Variants in MAP3K7 observed in about 807,000 individuals in gnomAD.
MAP3K7 encodes the protein TGF-beta activated kinase 1.
Under a neutral mutation model 84.8 loss-of-function variants are expected in MAP3K7, and 21 were observed. That is an observed-to-expected ratio of 0.25 (90% CI 0.18 to 0.36). The LOEUF is 0.36. MAP3K7 is among the 10% of genes least tolerant of loss of function. MAP3K7 has a pLI of 1.00. For synonymous variants in MAP3K7, 241 were observed against 247.7 expected (o/e 0.97, Z 0.25); for missense variants, 503 against 747.7 (o/e 0.67, Z 3.82).
At chr6:90,563,917 C>T (rs1288123424) in intron 3 of MAP3K7, among the ~76,000 whole-genome samples, 2 of 152,194 alleles carry the variant, frequency 1.3e-5, no homozygotes, top group Non-Finnish European at 2.9e-5. Flanking sequence ...CAATAGTCAA[C>T]ATTCTTAAAG....
chr6:90,584,530 ATT>A (rs969962607), intron 1 of MAP3K7, among the ~76,000 whole-genome samples: 7 of 152,158 alleles, frequency 4.6e-5, no homozygotes, highest in African/African-American at 1.7e-4. Flanking sequence ...AGATTGAAAC[ATT>A]ATCTAAACTG....
Position 90,538,981 on chromosome 6 carries a change from T to C in MAP3K7, c.1292-2580A>G, listed in dbSNP as rs529628231. Among the ~76,000 whole-genome samples, 15 of 152,078 alleles carry C rather than the reference T, an allele frequency of 9.9e-5. No individual in the cohort carries two copies. The East Asian group carries it at 2.5e-3, about 25-fold the overall frequency. On this transcript the variant is annotated intron_variant, in intron 12 of 16. Transcript: ENST00000369329. ...CTCTTAACCTAAATGTTAGAAATTTTGAGATTCACGAGTTTTGAATATTAC... is the reference window on the plus strand; with the variant it reads ...CTCTTAACCTAAATGTTAGAAATTTCGAGATTCACGAGTTTTGAATATTAC...
chr6:90,538,675 G>C (rs892088489), intron 12 of MAP3K7, among the ~76,000 whole-genome samples: 1 of 151,692 alleles, frequency 6.6e-6, no homozygotes, highest in Non-Finnish European at 1.5e-5. Flanking sequence ...AGCAACTTAG[G>C]GGTCAGTTCC....
intron 2 of MAP3K7, among the ~76,000 whole-genome samples, chr6:90,570,132 T>C (rs1012613067): frequency 9.2e-5 from 14 of 152,084 alleles, no homozygotes; most frequent in Non-Finnish European, 2.1e-4. Flanking sequence ...TCCTCCTCTC[T>C]CCCTAATTCC....
At chr6:90,522,560 A>G (rs1043404567) in intron 14 of MAP3K7, among the ~76,000 whole-genome samples, 17 of 152,232 alleles carry the variant, frequency 1.1e-4, no homozygotes, top group African/African-American at 3.9e-4. Flanking sequence ...TGAATTCTAC[A>G]CATGTGCTGC....
At chr6:90,558,441 C>A (rs1452848521) in intron 5 of MAP3K7, among the ~76,000 whole-genome samples, 1 of 152,080 alleles carries the variant, frequency 6.6e-6, no homozygotes, top group Non-Finnish European at 1.5e-5. Flanking sequence ...TTACCCAGTA[C>A]TTTCTGAACT....
intron 13 of MAP3K7, among the ~76,000 whole-genome samples, chr6:90,529,231 CCT>C (rs1261718922): frequency 7.2e-5 from 11 of 152,148 alleles, no homozygotes; most frequent in Non-Finnish European, 1.6e-4. Context: ...TCCTCATGCC[CCT>C]GTTTCCCTTG....
Position 90,587,008 on chromosome 6 carries a change from C to T in MAP3K7, c.-125G>A. On this transcript the variant is annotated 5_prime_UTR_variant, in exon 1 of 17. Coordinates refer to ENST00000369329, the MANE Select transcript of MAP3K7 (RefSeq NM_145331.3). Reference sequence around the variant, plus strand: ...CCGCGCAGTCCTACTACCCGGCGATCCGTGGCGGGGGTAGAGGCAGCGGCC... The same window carrying T: ...CCGCGCAGTCCTACTACCCGGCGATTCGTGGCGGGGGTAGAGGCAGCGGCC... 1 of 1,195,654 alleles carries T rather than the reference C, an allele frequency of 8.4e-7. No homozygotes were observed. Among genetic ancestry groups the T allele is most frequent in the Non-Finnish European group, 1.1e-6 (1 of 909,598 alleles). The allele number at this position is 1,195,654 out of a possible 1,614,324, so 74.1% of individuals were successfully genotyped here.
chr6:90,580,619 C>A (rs72915757), intron 1 of MAP3K7, among the ~76,000 whole-genome samples: 31,840 of 152,044 alleles, frequency 0.21, 3,991 homozygotes, highest in Non-Finnish European at 0.29. Context: ...CGTACCTAGC[C>A]CAACATTATT....
intron 3 of MAP3K7, among the ~76,000 whole-genome samples, chr6:90,567,859 T>A (rs1307739808): frequency 1.3e-5 from 2 of 152,230 alleles, no homozygotes; most frequent in Non-Finnish European, 2.9e-5. Flanking sequence ...GTGGCACATA[T>A]ACACCATGGA....
At position 90,515,844 on chromosome 6, in the gene MAP3K7, T is replaced by C. The variant is rs1249422906; in HGVS notation, c.*657A>G. The C allele has an allele frequency of 6.6e-6, 1 of 152,310 alleles. No homozygotes were observed. The highest frequency in any genetic ancestry group is 1.5e-5 in the Non-Finnish European group (1 of 67,944). 9.4% of individuals were successfully genotyped at this position (152,310 alleles called of 1,614,324 possible). On this transcript the variant is annotated 3_prime_UTR_variant, in exon 17 of 17. Transcript: ENST00000369329. ...TTCCATTTTGTTCAATGTATCACAA[T>C]CAAATTTTAGTCTAACAAAATCCGG...
Position 90,586,850 on chromosome 6 carries a change from A to T in MAP3K7, c.34T>A (p.Ser12Thr), listed in dbSNP as rs1051442933. 1 of 1,508,182 alleles carries T rather than the reference A, an allele frequency of 6.6e-7. No individual in the cohort carries two copies. Among genetic ancestry groups the T allele is most frequent in the Admixed American group, 1.9e-5 (1 of 52,110 alleles). 93.4% of individuals were successfully genotyped at this position (1,508,182 alleles called of 1,614,324 possible). ...TCGATCATCTCACCGGCCGAAGACG[A>T]GGAGGAGGAGGAGGCGGCAGAGGCT... ...STASAASSSS[S>T]SSAGEMIEAP... is the part of the protein sequence containing the mutation. The change falls in exon 1 of 17, where the codon TCG becomes ACG. Residue 12 changes from serine to threonine, a missense_variant. Physicochemically the swap from Ser to Thr is moderately conservative, Grantham distance 58 (BLOSUM62 1). Coordinates refer to ENST00000369329, the MANE Select transcript of MAP3K7 (RefSeq NM_145331.3).
Position 90,587,002 on chromosome 6 carries a change from G to T in MAP3K7, c.-119C>A. The T allele has an allele frequency of 1.7e-6, 2 of 1,211,046 alleles. No individual in the cohort carries two copies. The highest frequency in any genetic ancestry group is 1.8e-5 in the South Asian group (1 of 57,012). 75.0% of individuals were successfully genotyped at this position (1,211,046 alleles called of 1,614,324 possible). A position where few individuals can be genotyped will look rare whatever the true frequency, so the allele number is the denominator to read the frequency against. On this transcript the variant is annotated 5_prime_UTR_variant, in exon 1 of 17. Coordinates refer to ENST00000369329, the MANE Select transcript of MAP3K7 (RefSeq NM_145331.3). Reference sequence around the variant, plus strand: ...CTGGAGCCGCGCAGTCCTACTACCCGGCGATCCGTGGCGGGGGTAGAGGCA... The same window carrying T: ...CTGGAGCCGCGCAGTCCTACTACCCTGCGATCCGTGGCGGGGGTAGAGGCA...
chr6:90,574,762 G>C (rs902928246), intron 1 of MAP3K7, among the ~76,000 whole-genome samples: 2 of 152,164 alleles, frequency 1.3e-5, no homozygotes, highest in African/African-American at 4.8e-5. Flanking sequence ...GATGAGAGTA[G>C]AGCTGATTCT....
rs34324273 is a variant in MAP3K7, at chr6:90,572,685, C to G, written c.121-878G>C. Among the ~76,000 whole-genome samples the G allele has an allele frequency of 8.8e-3, 1,338 of 151,794 alleles. 21 individuals carry two copies. Among genetic ancestry groups the G allele is most frequent in the African/African-American group, 0.03 (1,226 of 41,380 alleles). On this transcript the variant is annotated intron_variant, in intron 1 of 16. Transcript: ENST00000369329. ...GAATTTTATGATGTGTAAAATAGAT[C>G]TCATTACAGTTATTTTTCAAAAGTC...
At position 90,513,910 on chromosome 6, in the gene MAP3K7, C is replaced by T. The variant is rs1774878177; in HGVS notation, c.*2591G>A. On this transcript the variant is annotated 3_prime_UTR_variant, in exon 17 of 17. Transcript: ENST00000369329. Reference sequence around the variant, plus strand: ...AAAATAGTCAAACATCCGTAAACAACTTGTAACAAATCTTTATATGTTGTG... The same window carrying T: ...AAAATAGTCAAACATCCGTAAACAATTTGTAACAAATCTTTATATGTTGTG... 6.6e-6 allele frequency: 1 copy of T among 152,044 alleles called. No individual in the cohort carries two copies. The highest frequency in any genetic ancestry group is 6.6e-5 in the Admixed American group (1 of 15,244). The allele number at this position is 152,044 out of a possible 1,614,324, so 9.4% of individuals were successfully genotyped here. A position where few individuals can be genotyped will look rare whatever the true frequency, so the allele number is the denominator to read the frequency against.
intron 8 of MAP3K7, 144 bp downstream of exon 8, chr6:90,551,905 G>A: frequency 1.2e-6 from 1 of 819,092 alleles, no homozygotes; most frequent in Non-Finnish European, 1.8e-6. Flanking sequence ...TTCTGACTAT[G>A]AGTAATAAAT....
intron 12 of MAP3K7, chr6:90,542,669 T>C (rs1481596574): frequency 6.4e-6 from 1 of 156,334 alleles, no homozygotes. Flanking sequence ...CATCATCAGA[T>C]CTAAGTTCTT....
At chr6:90,577,457 T>A (rs976760759) in intron 1 of MAP3K7, among the ~76,000 whole-genome samples, 1 of 152,036 alleles carries the variant, frequency 6.6e-6, no homozygotes, top group Non-Finnish European at 1.5e-5. Context: ...TGTAGTCAGT[T>A]TTTCTAGTCA....
Sources: gnomAD v4.1 joint callset for allele counts (sites outside exome capture counted in the v4.1 genomes callset) on GRCh38, gnomAD v4.1.1 for gene constraint, MANE v1.5 for transcripts, NCBI Gene and HGNC (gene_info 2026-07-23, HGNC 2026-07-21) for gene names.